Variants in RIPOR2 observed in about 807,000 individuals in gnomAD.
RIPOR2 encodes the protein RHO family interacting cell polarization regulator 2.
Under a neutral mutation model 114.5 loss-of-function variants are expected in RIPOR2, and 39 were observed. The ratio of observed to expected loss-of-function variants is 0.34; its 90% CI spans 0.26 to 0.44. The LOEUF is 0.44. Ranked by LOEUF, RIPOR2 falls within the 20% of genes least tolerant of loss-of-function variation. The pLI is 1.00. For missense variants in RIPOR2, 1,007 were observed against 1,255.1 expected (o/e 0.80, Z 2.99); for synonymous variants, 445 against 484.4 (o/e 0.92, Z 1.07).
At chr6:24,955,742 C>T (rs1218847391) in intron 1 of RIPOR2, among the ~76,000 whole-genome samples, 2 of 149,892 alleles carry the variant, frequency 1.3e-5, no homozygotes, top group Non-Finnish European at 1.5e-5. Context: ...CAGTGGCTCA[C>T]GGCTGTAATC....
chr6:25,026,803 T>C (rs952731088), intron 1 of RIPOR2, among the ~76,000 whole-genome samples: 2 of 152,226 alleles, frequency 1.3e-5, no homozygotes, highest in African/African-American at 2.4e-5. Context: ...GGAATGCCTC[T>C]GAAAGGAAGT....
intron 1 of RIPOR2, among the ~76,000 whole-genome samples, chr6:24,934,509 T>C (rs2114157136): frequency 6.6e-6 from 1 of 152,332 alleles, no homozygotes; most frequent in African/African-American, 2.4e-5. Flanking sequence ...CATGATTACA[T>C]TCTACATGAC....
intron 1 of RIPOR2, chr6:25,031,115 ACC>A (rs1776905584): frequency 6.6e-6 from 1 of 152,264 alleles, no homozygotes; most frequent in African/African-American, 2.4e-5. Flanking sequence ...GGGCCAGTTC[ACC>A]TCTCCTTAGG....
At chr6:24,832,474 T>A in intron 15 of RIPOR2, 83 bp from the exon 16 acceptor site, 2 of 1,230,084 alleles carry the variant, frequency 1.6e-6, no homozygotes, top group Non-Finnish European at 2.3e-6. Context: ...TTCCTGAATG[T>A]GGTGATGATA....
chr6:25,019,948 A>G (rs1776239144), intron 1 of RIPOR2, among the ~76,000 whole-genome samples: 1 of 151,858 alleles, frequency 6.6e-6, no homozygotes, highest in Admixed American at 6.6e-5. Flanking sequence ...GACTACCAAA[A>G]CTGAATACAT....
intron 1 of RIPOR2, among the ~76,000 whole-genome samples, chr6:24,947,107 G>T (rs1343652912): frequency 6.6e-6 from 1 of 152,158 alleles, no homozygotes; most frequent in Non-Finnish European, 1.5e-5. Flanking sequence ...CTTCCAGATT[G>T]TGTCTGTTTT....
chr6:24,807,132 C>A, intron 21 of RIPOR2, among the ~76,000 whole-genome samples: 1 of 152,166 alleles, frequency 6.6e-6, no homozygotes, highest in East Asian at 1.9e-4. Flanking sequence ...GGCTTTCATA[C>A]ATGTAATGCA....
chr6:24,993,451 C>T lies in RIPOR2; in HGVS notation c.76+48400G>A, dbSNP rs145760750. ...TTTGCTTGGTAGATTTTCCTCCATC[C>T]TTTTATTTTAAGCCTATGAGTGTCA... is the stretch of plus-strand genomic sequence containing the variant. On this transcript the variant is annotated intron_variant, in intron 1 of 13. Coordinates refer to the RIPOR2 transcript ENST00000510784. Among the ~76,000 whole-genome samples, 443 of 152,304 alleles carry T rather than the reference C, an allele frequency of 2.9e-3. 4 individuals carry two copies. Among genetic ancestry groups the T allele is most frequent in the East Asian group, 0.018 (93 of 5,186 alleles).
intron 1 of RIPOR2, among the ~76,000 whole-genome samples, chr6:24,990,199 G>T (rs1461124825): frequency 6.6e-6 from 1 of 152,126 alleles, no homozygotes; most frequent in African/African-American, 2.4e-5. Context: ...TAGTCATATT[G>T]TAACATGTGC....
At chr6:24,969,279 G>A (rs1432889937) in intron 1 of RIPOR2, among the ~76,000 whole-genome samples, 1 of 152,158 alleles carries the variant, frequency 6.6e-6, no homozygotes, top group African/African-American at 2.4e-5. Context: ...CCAAGGAACA[G>A]CAATATCTGA....
At chr6:24,953,199 G>T (rs557628878) in intron 1 of RIPOR2, among the ~76,000 whole-genome samples, 22 of 152,276 alleles carry the variant, frequency 1.4e-4, no homozygotes, top group Non-Finnish European at 2.9e-4. Context: ...CAGGCATGGT[G>T]GTGCATGCCT....
At chr6:24,947,333 G>A (rs1309712127) in intron 1 of RIPOR2, among the ~76,000 whole-genome samples, 1 of 152,160 alleles carries the variant, frequency 6.6e-6, no homozygotes, top group Non-Finnish European at 1.5e-5. Flanking sequence ...AGAACTACAT[G>A]CATTTGGGTC....
chr6:24,993,864 T>G (rs1774936800), intron 1 of RIPOR2, among the ~76,000 whole-genome samples: 2 of 152,360 alleles, frequency 1.3e-5, no homozygotes, highest in South Asian at 4.1e-4. Flanking sequence ...ATGACAATAT[T>G]TACTATCTGA....
At chr6:24,923,269 C>T (rs895238199) in intron 1 of RIPOR2, among the ~76,000 whole-genome samples, 2 of 152,148 alleles carry the variant, frequency 1.3e-5, no homozygotes, top group Non-Finnish European at 2.9e-5. Flanking sequence ...CTACATTTTG[C>T]ATGGGTGGAT....
chr6:24,853,061 A>G (rs991976129), intron 8 of RIPOR2, among the ~76,000 whole-genome samples: 2 of 152,168 alleles, frequency 1.3e-5, no homozygotes, highest in African/African-American at 2.4e-5. Context: ...GATTCCATGC[A>G]GTTATTTCCC....
At chr6:24,865,569 A>C (rs2113851744) in intron 6 of RIPOR2, 119 bp from the exon 7 acceptor site, 3 of 816,432 alleles carry the variant, frequency 3.7e-6, no homozygotes, top group South Asian at 4.4e-5. Flanking sequence ...AATCCTGTAG[A>C]AGTATTATCC....
At chr6:24,970,370 T>A (rs1773727135) in intron 1 of RIPOR2, among the ~76,000 whole-genome samples, 1 of 152,058 alleles carries the variant, frequency 6.6e-6, no homozygotes, top group African/African-American at 2.4e-5. Context: ...CTCAAAGAGG[T>A]CTTGAATTCT....
At chr6:24,980,285 C>A (rs1379770784) in intron 1 of RIPOR2, among the ~76,000 whole-genome samples, 1 of 152,174 alleles carries the variant, frequency 6.6e-6, no homozygotes, top group African/African-American at 2.4e-5. Context: ...AATGTGCTTC[C>A]CGATTTATCT....
intron 8 of RIPOR2, among the ~76,000 whole-genome samples, chr6:24,854,453 C>T (rs1211763212): frequency 1.3e-5 from 2 of 152,066 alleles, no homozygotes; most frequent in African/African-American, 2.4e-5. Flanking sequence ...CGTGTGGGGA[C>T]GAAGGCATGC....
Sources: gnomAD v4.1 joint callset for allele counts (sites outside exome capture counted in the v4.1 genomes callset) on GRCh38, gnomAD v4.1.1 for gene constraint, MANE v1.5 for transcripts, NCBI Gene and HGNC (gene_info 2026-07-23, HGNC 2026-07-21) for gene names.